Variants in SH3PXD2A observed in about 807,000 individuals in gnomAD.
SH3PXD2A encodes the protein SH3 and PX domain-containing protein 2A.
Under a neutral mutation model 115.2 loss-of-function variants are expected in SH3PXD2A, and 32 were observed. The ratio of observed to expected loss-of-function variants is 0.28; its 90% CI spans 0.21 to 0.37. The LOEUF is 0.37. Among genes scored for constraint, SH3PXD2A ranks in the 10% least tolerant of loss-of-function variants. SH3PXD2A has a pLI of 1.00. For synonymous variants in SH3PXD2A, 610 were observed against 629.1 expected (o/e 0.97, Z 0.45); for missense variants, 1,328 against 1,498.7 (o/e 0.89, Z 1.88).
At chr10:103,703,117 C>A (rs910451891) in intron 5 of SH3PXD2A, among the ~76,000 whole-genome samples, 2 of 152,184 alleles carry the variant, frequency 1.3e-5, no homozygotes, top group East Asian at 3.8e-4. Context: ...AGGAGCCCAC[C>A]CAAAGTCAGG....
rs141070015 is a variant in SH3PXD2A, at chr10:103,777,210, G to C, written c.154-10041C>G. ...GCACAGAGCCTGGCACTGAGTAAGT[G>C]CTCCATACACACCGGCTATTCTTAT... On this transcript the variant is annotated intron_variant, in intron 2 of 14. Coordinates refer to ENST00000369774, the MANE Select transcript of SH3PXD2A (RefSeq NM_001394015.1). 5.7e-4 allele frequency among the ~76,000 whole-genome samples: 87 copies of C among 152,380 alleles called. 1 individual carries two copies. The highest frequency in any genetic ancestry group is 2.1e-3 in the African/African-American group (86 of 41,588).
chr10:103,807,190 T>C (rs2039213570), intron 1 of SH3PXD2A, among the ~76,000 whole-genome samples: 2 of 152,188 alleles, frequency 1.3e-5, no homozygotes, highest in South Asian at 4.1e-4. Context: ...CATGATTTGA[T>C]CTGGTCTGGG....
chr10:103,734,357 TTG>T (rs1397216824), intron 4 of SH3PXD2A, among the ~76,000 whole-genome samples: 2 of 152,364 alleles, frequency 1.3e-5, no homozygotes, highest in African/African-American at 4.8e-5. Flanking sequence ...TTAAATTATT[TTG>T]TGTTTGCTTT....
At chr10:103,847,559 G>A (rs1357566721) in intron 1 of SH3PXD2A, among the ~76,000 whole-genome samples, 3 of 152,122 alleles carry the variant, frequency 2.0e-5, no homozygotes, top group African/African-American at 7.2e-5. Flanking sequence ...CCTGGCCTCA[G>A]GTGATCCTCC....
At chr10:103,723,224 C>T (rs1242399678) in intron 5 of SH3PXD2A, among the ~76,000 whole-genome samples, 3 of 152,166 alleles carry the variant, frequency 2.0e-5, no homozygotes, top group Admixed American at 6.5e-5. Context: ...TAGTAGCCAC[C>T]CCATCTGCCT....
chr10:103,712,182 A>G (rs775143871), intron 5 of SH3PXD2A, among the ~76,000 whole-genome samples: 10 of 152,264 alleles, frequency 6.6e-5, no homozygotes, highest in Non-Finnish European at 1.3e-4. Flanking sequence ...TCAATGAATT[A>G]ATTGTACACT....
At chr10:103,743,352 C>T (rs1308796645) in intron 3 of SH3PXD2A, among the ~76,000 whole-genome samples, 1 of 152,020 alleles carries the variant, frequency 6.6e-6, no homozygotes, top group Admixed American at 6.6e-5. Context: ...CACTGAGGCT[C>T]GGTGATCCAA....
In SH3PXD2A at chr10:103,666,437, C is replaced by T. The variant is rs181596568; in HGVS notation, c.472+2171G>A. Reference sequence around the variant, plus strand: ...ACTCTTGTTCCCTCTTTTCTGTTCCCTCCTGGACTTTATGTTGGGCATTGC... The same window carrying T: ...ACTCTTGTTCCCTCTTTTCTGTTCCTTCCTGGACTTTATGTTGGGCATTGC... On this transcript the variant is annotated intron_variant, in intron 7 of 14. Transcript: ENST00000369774. This position sits in a 1 kb window ranked among gnomAD's most constrained non-coding sequence, Gnocchi z 4.5. Among the ~76,000 whole-genome samples, 109 of 152,356 alleles carry T rather than the reference C, an allele frequency of 7.2e-4. No individual in the cohort carries two copies. The highest frequency in any genetic ancestry group is 2.6e-3 in the African/African-American group (107 of 41,576).
chr10:103,639,455 C>CA (rs1453446507), intron 8 of SH3PXD2A, among the ~76,000 whole-genome samples: 1 of 151,740 alleles, frequency 6.6e-6, no homozygotes, highest in Non-Finnish European at 1.5e-5. Context: ...ATTAAAAATA[C>CA]AAAAGTTAGC....
Position 103,602,311 on chromosome 10 carries a change from C to A in SH3PXD2A, c.2907G>T (p.Arg969Ser), listed in dbSNP as rs2036229050. 6.2e-7 allele frequency: 1 copy of A among 1,613,658 alleles called. No homozygotes were observed. Among genetic ancestry groups the A allele is most frequent in the Non-Finnish European group, 8.5e-7 (1 of 1,179,964 alleles). The stretch of plus-strand genomic sequence containing the variant: ...TGACCGCCACCTGCCGCACTCCGTT[C>A]CTCATCTTCACCGCTGGAGTGCCTG... Reference protein sequence around the residue: ...KTSGTPAVKMRNGVRQVAVRP... With the variant: ...KTSGTPAVKMSNGVRQVAVRP... The change falls in exon 15 of 15, where the codon AGG becomes AGT. Residue 969 changes from arginine to serine, a missense_variant. Physicochemically the swap from Arg to Ser is moderately radical, Grantham distance 110 (BLOSUM62 -1). This residue lies in a region of SH3PXD2A where 574 missense variants were observed against 565.7 expected (regional missense o/e 1.01). Coordinates refer to ENST00000369774, the MANE Select transcript of SH3PXD2A (RefSeq NM_001394015.1).
chr10:103,743,821 T>A (rs1346925963), intron 3 of SH3PXD2A, among the ~76,000 whole-genome samples: 1 of 152,222 alleles, frequency 6.6e-6, no homozygotes, highest in African/African-American at 2.4e-5. Flanking sequence ...TCTTTAAGAT[T>A]TTCGTCAAGA....
intron 2 of SH3PXD2A, among the ~76,000 whole-genome samples, chr10:103,789,175 G>A (rs1589454989): frequency 3.0e-5 from 1 of 33,510 alleles, no homozygotes; most frequent in Non-Finnish European, 6.5e-5. Context: ...AGTGGGGGAG[G>A]ATGGGGGGGG....
At chr10:103,834,185 G>A (rs994657535) in intron 1 of SH3PXD2A, among the ~76,000 whole-genome samples, 2 of 152,208 alleles carry the variant, frequency 1.3e-5, no homozygotes, top group Non-Finnish European at 2.9e-5. Flanking sequence ...CTGAACTCAG[G>A]AGCAGAGGCC....
At chr10:103,735,687 G>A (rs2038371221) in intron 4 of SH3PXD2A, 45 bp downstream of exon 4, 1 of 1,418,730 alleles carries the variant, frequency 7.0e-7, no homozygotes, top group African/African-American at 1.4e-5. Flanking sequence ...TCTCCTCCCT[G>A]AAGCCCTCCC....
chr10:103,854,794 C>T (rs967598140), intron 1 of SH3PXD2A, among the ~76,000 whole-genome samples: 4 of 152,110 alleles, frequency 2.6e-5, no homozygotes, highest in Non-Finnish European at 5.9e-5. Context: ...CCAGGGCGAG[C>T]TCTGAAAGCA....
Position 103,643,456 on chromosome 10 carries a change from T to C in SH3PXD2A, c.605-16254A>G, listed in dbSNP as rs139521310. ...AGACATTTTCCTATGCTACAGTGGA[T>C]GGAAAACCAGCATTCCTAGGTATAG... On this transcript the variant is annotated intron_variant, in intron 8 of 14. Coordinates refer to ENST00000369774, the MANE Select transcript of SH3PXD2A (RefSeq NM_001394015.1). Among the ~76,000 whole-genome samples, 32 of 152,362 alleles carry C rather than the reference T, an allele frequency of 2.1e-4. No individual in the cohort carries two copies. In the East Asian group the frequency reaches 5.8e-3, roughly 28 times the overall value.
At chr10:103,663,390 A>G (rs2037340189) in intron 7 of SH3PXD2A, among the ~76,000 whole-genome samples, 1 of 152,258 alleles carries the variant, frequency 6.6e-6, no homozygotes, top group Non-Finnish European at 1.5e-5. Flanking sequence ...CACAGCTGCT[A>G]TGAAGAGCAT....
chr10:103,739,351 T>A (rs1200266483), intron 3 of SH3PXD2A, among the ~76,000 whole-genome samples: 2 of 152,212 alleles, frequency 1.3e-5, no homozygotes, highest in Non-Finnish European at 2.9e-5. Context: ...AATTCCCAGC[T>A]GAGTTTTTGG....
rs1564859771 is a variant in SH3PXD2A, at chr10:103,671,219, G to A, written c.428-2567C>T. On this transcript the variant is annotated intron_variant, in intron 6 of 14. Transcript: ENST00000369774. The stretch of plus-strand genomic sequence containing the variant: ...TGCAAAGGGCCAGAGAATAAACACT[G>A]TAGGCTTTGGGGGCCAGATGGTCTC... Among the ~76,000 whole-genome samples, 3 of 152,326 alleles carry A rather than the reference G, an allele frequency of 2.0e-5. No individual in the cohort carries two copies. The South Asian group carries it at 6.2e-4, about 32-fold the overall frequency.
Sources: gnomAD v4.1 joint callset for allele counts (sites outside exome capture counted in the v4.1 genomes callset) on GRCh38, gnomAD v4.1.1 for gene constraint, gnomAD v4.1.1 regional missense constraint, Gnocchi (gnomAD v3.1) non-coding constraint, MANE v1.5 for transcripts, NCBI Gene and HGNC (gene_info 2026-07-23, HGNC 2026-07-21) for gene names.